RGS22: variants seen among roughly 807,000 people sequenced by gnomAD.
The protein encoded by RGS22 is regulator of G protein signaling 22, also known as regulator of G-protein signaling 22.
Under a neutral mutation model 172.9 loss-of-function variants are expected in RGS22, and 148 were observed. That is an observed-to-expected ratio of 0.86 (90% CI 0.75 to 0.98). The LOEUF (loss-of-function observed/expected upper bound fraction) is 0.98. Ranked by LOEUF, RGS22 falls within the 50% of genes least tolerant of loss-of-function variation. The pLI is 0.00. For missense variants in RGS22, 1,347 were observed against 1,440.8 expected (o/e 0.93, Z 1.05); for synonymous variants, 458 against 480.2 (o/e 0.95, Z 0.60).
At chr8:100,070,547 G>C (rs2131838667) in intron 6 of RGS22, among the ~76,000 whole-genome samples, 1 of 152,218 alleles carries the variant, frequency 6.6e-6, no homozygotes, top group South Asian at 2.1e-4. Context: ...CCAAATTAAG[G>C]AACACTGTTT....
At chr8:100,021,803 A>G (rs1817625699) in intron 14 of RGS22, among the ~76,000 whole-genome samples, 1 of 151,832 alleles carries the variant, frequency 6.6e-6, no homozygotes, top group African/African-American at 2.4e-5. Context: ...AAGAGTCCCC[A>G]GAGGTGTTTA....
intron 23 of RGS22, among the ~76,000 whole-genome samples, chr8:99,975,881 T>C (rs990774971): frequency 1.3e-5 from 2 of 152,090 alleles, no homozygotes; most frequent in Non-Finnish European, 2.9e-5. Context: ...TCTAGAAGTG[T>C]ATTTGCTGAT....
At chr8:100,093,939 G>A (rs1017517193) in intron 2 of RGS22, among the ~76,000 whole-genome samples, 3 of 152,152 alleles carry the variant, frequency 2.0e-5, no homozygotes, top group Non-Finnish European at 4.4e-5. Flanking sequence ...AATTGAGAAT[G>A]TAAATTTCTT....
At chr8:100,070,657 T>C (rs1179508819) in intron 6 of RGS22, among the ~76,000 whole-genome samples, 1 of 152,230 alleles carries the variant, frequency 6.6e-6, no homozygotes, top group Non-Finnish European at 1.5e-5. Context: ...TGGTGTATAA[T>C]GTGTTATTAA....
chr8:100,038,703 T>C (rs1819768656), intron 14 of RGS22: 2 of 356,682 alleles, frequency 5.6e-6, no homozygotes, highest in Non-Finnish European at 1.0e-5. Flanking sequence ...GAACAAGTAG[T>C]TGGCAAGAGA....
intron 23 of RGS22, among the ~76,000 whole-genome samples, chr8:99,966,190 A>G (rs1023128242): frequency 6.6e-6 from 1 of 152,368 alleles, no homozygotes; most frequent in Admixed American, 6.5e-5. Flanking sequence ...GTCAAAAACC[A>G]CATGTTCTCA....
chr8:100,088,834 GAA>G (rs1399622420), intron 3 of RGS22, among the ~76,000 whole-genome samples: 1 of 151,958 alleles, frequency 6.6e-6, no homozygotes, highest in Non-Finnish European at 1.5e-5. Context: ...TACAGATAGG[GAA>G]AAAGTCTCAG....
chr8:99,978,897 A>C (rs948612406), intron 22 of RGS22, among the ~76,000 whole-genome samples: 3 of 152,214 alleles, frequency 2.0e-5, no homozygotes, highest in Admixed American at 2.0e-4. Flanking sequence ...TCATAGGGGA[A>C]AAGAGGAATC....
At chr8:99,992,765 C>A (rs559765152) in intron 20 of RGS22, among the ~76,000 whole-genome samples, 13 of 152,270 alleles carry the variant, frequency 8.5e-5, no homozygotes, top group African/African-American at 2.4e-4. Flanking sequence ...AACAAGCAGA[C>A]CTAATAGATA....
At chr8:100,001,236 A>AC (rs1491371210) in intron 18 of RGS22, among the ~76,000 whole-genome samples, 2 of 128,676 alleles carry the variant, frequency 1.6e-5, no homozygotes, top group South Asian at 2.4e-4. Context: ...ATATATATAC[A>AC]TTTTTTTTTT....
chr8:100,063,958 T>C lies in RGS22; in HGVS notation c.810A>G (p.Glu270=), dbSNP rs1268468075. ...KTNKLISEFE[E]EEGEEEEVSV... ...ACACCTCTTCTTCTTCTCCTTCTTCTTCTTCAAATTCAGAAATCAATTTGT... is the reference window on the plus strand; with the variant it reads ...ACACCTCTTCTTCTTCTCCTTCTTCCTCTTCAAATTCAGAAATCAATTTGT... The change falls in exon 8 of 28, where the codon GAA becomes GAG. Residue 270 remains glutamate (E), a synonymous_variant. Transcript: ENST00000360863. The C allele has an allele frequency of 2.5e-6, 4 of 1,575,940 alleles. No individual in the cohort carries two copies. Among genetic ancestry groups the C allele is most frequent in the Non-Finnish European group, 3.4e-6 (4 of 1,163,574 alleles).
intron 18 of RGS22, among the ~76,000 whole-genome samples, chr8:100,001,722 GT>G (rs1222735414): frequency 6.6e-6 from 1 of 152,092 alleles, no homozygotes; most frequent in Non-Finnish European, 1.5e-5. Flanking sequence ...TTTGCTCAAG[GT>G]TCCATAGTAA....
chr8:99,983,631 C>A (rs1385922574), intron 21 of RGS22, among the ~76,000 whole-genome samples: 2 of 152,154 alleles, frequency 1.3e-5, no homozygotes, highest in East Asian at 1.9e-4. Context: ...GTCCTTTGCC[C>A]AAAATGAGCT....
intron 3 of RGS22, among the ~76,000 whole-genome samples, chr8:100,086,279 C>T (rs576910779): frequency 6.6e-6 from 1 of 152,206 alleles, no homozygotes; most frequent in East Asian, 1.9e-4. Context: ...GGGAGAATAG[C>T]AGAAATAAGA....
At chr8:99,970,978 A>G (rs1435321807) in intron 23 of RGS22, among the ~76,000 whole-genome samples, 1 of 152,240 alleles carries the variant, frequency 6.6e-6, no homozygotes, top group Non-Finnish European at 1.5e-5. Context: ...AAAATCCTCA[A>G]TAAAACATTT....
intron 3 of RGS22, among the ~76,000 whole-genome samples, chr8:100,092,714 T>C (rs889954868): frequency 7.2e-5 from 11 of 152,300 alleles, no homozygotes; most frequent in Middle Eastern, 6.8e-3. Flanking sequence ...CCATTCCTTA[T>C]ACATTACCCA....
chr8:100,040,020 T>C lies in RGS22; in HGVS notation c.2006A>G (p.Tyr669Cys), dbSNP rs778935003. 4 of 1,609,568 alleles carry C rather than the reference T, an allele frequency of 2.5e-6. No homozygotes were observed. The highest frequency in any genetic ancestry group is 1.1e-5 in the South Asian group (1 of 90,258). Residue 669 changes from tyrosine to cysteine, a missense_variant, in exon 13 of 28, where the codon TAT becomes TGT. Physicochemically the swap from Tyr to Cys is radical, Grantham distance 194. Transcript: ENST00000360863. Reference protein sequence around the residue: ...SDMENLLQSLYVENRAGFFFT... With the variant: ...SDMENLLQSLCVENRAGFFFT... The stretch of plus-strand genomic sequence containing the variant: ...GAAGAATCCAGCTCTATTTTCTACA[T>C]ACAAAGATTGCAACAAATTTTCCAT...
intron 22 of RGS22, among the ~76,000 whole-genome samples, chr8:99,981,086 C>G (rs912899063): frequency 6.6e-6 from 1 of 152,170 alleles, no homozygotes; most frequent in African/African-American, 2.4e-5. Flanking sequence ...GTCTCTGTTT[C>G]ATATCACTTC....
chr8:100,036,091 G>A (rs548580829), intron 14 of RGS22, among the ~76,000 whole-genome samples: 2 of 149,578 alleles, frequency 1.3e-5, no homozygotes, highest in East Asian at 2.0e-4. Context: ...ATGTACCCTA[G>A]AACTTAAAAC....
Sources: allele counts gnomAD v4.1 joint callset (sites outside exome capture counted in the v4.1 genomes callset), GRCh38; gene constraint gnomAD v4.1.1; transcripts MANE v1.5; gene names NCBI Gene and HGNC (gene_info 2026-07-23, HGNC 2026-07-21).